Variants in SHLD1 observed in about 807,000 individuals in gnomAD.
The protein encoded by SHLD1 is RINN1-REV7-interacting novel NHEJ regulator 3.
In SHLD1, 3 loss-of-function variants were observed where a neutral mutation model predicts 5.5. The ratio of observed to expected loss-of-function variants is 0.54; its 90% CI spans 0.25 to 1.40. The LOEUF is 1.40. Among genes scored for constraint, SHLD1 ranks in the 40% most tolerant of loss-of-function variants. The probability of loss-of-function intolerance (pLI) is 0.15; values close to 1 mark genes in which losing one functional copy is unlikely to be tolerated. For synonymous variants in SHLD1, 92 were observed against 94.3 expected, an observed-to-expected ratio of 0.98 and a Z score of 0.14; for missense variants, 210 against 244.4, an observed-to-expected ratio of 0.86 and a Z score of 0.94.
chr20:5,756,839 T>G (rs760230371), intron 1 of SHLD1: 1 of 247,602 alleles, frequency 4.0e-6, no homozygotes, highest in South Asian at 3.9e-5. Context: ...TGGCCTAGGA[T>G]TTTCTATATG....
chr20:5,765,490 C>T (rs1984778902), intron 1 of SHLD1, among the ~76,000 whole-genome samples: 1 of 151,984 alleles, frequency 6.6e-6, no homozygotes, highest in Admixed American at 6.6e-5. Context: ...CCTTGTGATC[C>T]ACCCACCTCA....
At chr20:5,763,136 G>A (rs1042517989) in intron 1 of SHLD1, among the ~76,000 whole-genome samples, 3 of 151,462 alleles carry the variant, frequency 2.0e-5, no homozygotes, top group Non-Finnish European at 4.4e-5. Context: ...CAGAAACCCC[G>A]TCTCTACTAA....
chr20:5,856,593 TTATCCA>T (rs2088088841), intron 2 of SHLD1, among the ~76,000 whole-genome samples: 1 of 152,222 alleles, frequency 6.6e-6, no homozygotes, highest in Non-Finnish European at 1.5e-5. Flanking sequence ...TGGAGGCACC[TTATCCA>T]GGGCATGGTG....
chr20:5,816,126 A>C (rs893337297), intron 2 of SHLD1, among the ~76,000 whole-genome samples: 1 of 151,372 alleles, frequency 6.6e-6, no homozygotes, highest in East Asian at 1.9e-4. Context: ...AAGAAATGGC[A>C]TAAACTGGTA....
intron 1 of SHLD1, among the ~76,000 whole-genome samples, chr20:5,754,486 T>C (rs1312269942): frequency 2.0e-5 from 3 of 152,206 alleles, no homozygotes; most frequent in Non-Finnish European, 2.9e-5. Flanking sequence ...ACAAGGTATG[T>C]CTGACCTCCT....
intron 2 of SHLD1, among the ~76,000 whole-genome samples, chr20:5,805,349 G>GT (rs1379847643): frequency 6.6e-6 from 1 of 152,102 alleles, no homozygotes; most frequent in African/African-American, 2.4e-5. Context: ...TAGAGACAGA[G>GT]TTTCTCCGTG....
Position 5,803,488 on chromosome 20 carries a change from C to A in SHLD1, c.178+30445C>A, listed in dbSNP as rs192091275. 5.5e-4 allele frequency among the ~76,000 whole-genome samples: 84 copies of A among 152,214 alleles called. No individual in the cohort carries two copies. In the East Asian group the frequency reaches 0.013, roughly 24 times the overall value. ...CCAGTCTGTAGATCCTTTTGAAAAT[C>A]TGATAGAAAGAATGAAAGCTCTCCC... On this transcript the variant is annotated intron_variant, in intron 2 of 2. Coordinates refer to ENST00000303142, the MANE Select transcript of SHLD1 (RefSeq NM_152504.4).
At chr20:5,858,162 A>AG (rs1256355414) in intron 2 of SHLD1, among the ~76,000 whole-genome samples, 1 of 152,022 alleles carries the variant, frequency 6.6e-6, no homozygotes, top group African/African-American at 2.4e-5. Context: ...AACCATACAT[A>AG]GGTCCTCTTA....
chr20:5,780,214 A>G (rs1439165837), intron 2 of SHLD1, among the ~76,000 whole-genome samples: 1 of 152,076 alleles, frequency 6.6e-6, no homozygotes, highest in Non-Finnish European at 1.5e-5. Context: ...CCTGGCCTCA[A>G]GTGATTTGCC....
At chr20:5,779,329 C>T (rs79269061) in intron 2 of SHLD1, among the ~76,000 whole-genome samples, 2,852 of 152,278 alleles carry the variant, frequency 0.019, 24 homozygotes, top group Non-Finnish European at 0.03. Context: ...ACCTGGTTTA[C>T]TCCGACCTAA....
chr20:5,845,956 A>C (rs1246409987), intron 2 of SHLD1, among the ~76,000 whole-genome samples: 1 of 152,234 alleles, frequency 6.6e-6, no homozygotes, highest in Non-Finnish European at 1.5e-5. Context: ...GTTTGTTTAC[A>C]ATCCATTCTC....
intron 2 of SHLD1, among the ~76,000 whole-genome samples, chr20:5,859,112 A>C (rs2088127137): frequency 6.6e-6 from 1 of 152,162 alleles, no homozygotes; most frequent in South Asian, 2.1e-4. Context: ...CTGAGAAGGG[A>C]AAATGTGTAA....
At chr20:5,775,202 CT>C (rs398061281) in intron 2 of SHLD1, among the ~76,000 whole-genome samples, 115 of 146,344 alleles carry the variant, frequency 7.9e-4, no homozygotes, top group Middle Eastern at 3.5e-3. Flanking sequence ...CCATACATGG[CT>C]TTTTTTTTTT....
At chr20:5,847,453 C>T (rs1437205908) in intron 2 of SHLD1, among the ~76,000 whole-genome samples, 3 of 152,094 alleles carry the variant, frequency 2.0e-5, no homozygotes, top group Non-Finnish European at 4.4e-5. Flanking sequence ...TTCTTTTTAT[C>T]GCTTTCCATG....
At chr20:5,773,416 G>T (rs1317298408) in intron 2 of SHLD1, 20 of 493,970 alleles carry the variant, frequency 4.0e-5, no homozygotes. Flanking sequence ...CCTGTTATGT[G>T]TGATGAGTAA....
chr20:5,783,252 TCTCA>T (rs2087010693), intron 2 of SHLD1, among the ~76,000 whole-genome samples: 1 of 152,092 alleles, frequency 6.6e-6, no homozygotes, highest in Non-Finnish European at 1.5e-5. Flanking sequence ...TGAGACAGAG[TCTCA>T]CTCCATCACC....
At chr20:5,812,069 CTTTTTT>C (rs1037236061) in intron 2 of SHLD1, among the ~76,000 whole-genome samples, 2 of 136,598 alleles carry the variant, frequency 1.5e-5, no homozygotes, top group African/African-American at 2.7e-5. Context: ...TTTTCTTTTT[CTTTTTT>C]TTTTCTTTTT....
At chr20:5,787,676 G>A (rs2087078348) in intron 2 of SHLD1, among the ~76,000 whole-genome samples, 1 of 152,164 alleles carries the variant, frequency 6.6e-6, no homozygotes, top group Non-Finnish European at 1.5e-5. Flanking sequence ...CCTGGCACAT[G>A]GTAGGTGCTC....
Position 5,822,889 on chromosome 20 carries a change from G to GT in SHLD1, c.179-40135_179-40134insT, listed in dbSNP as rs751678115. Among the ~76,000 whole-genome samples the GT allele has an allele frequency of 6.6e-5, 10 of 151,422 alleles. No individual in the cohort carries two copies. In the East Asian group the frequency reaches 1.9e-3, roughly 29 times the overall value. ...TGTTTCTCTGTTCCTTTTTATAGCA[G>GT]AAGGCTATGAAAGATGTGTCTTATT... is the stretch of plus-strand genomic sequence containing the variant. On this transcript the variant is annotated intron_variant, in intron 2 of 2. Coordinates refer to ENST00000303142, the MANE Select transcript of SHLD1 (RefSeq NM_152504.4).
Sources: allele counts gnomAD v4.1 joint callset (sites outside exome capture counted in the v4.1 genomes callset), GRCh38; gene constraint gnomAD v4.1.1; transcripts MANE v1.5; gene names NCBI Gene and HGNC (gene_info 2026-07-23, HGNC 2026-07-21).